The following RAD17 variants were observed in gnomAD, a reference collection of about 807,000 sequenced individuals.
RAD17 encodes the protein cell cycle checkpoint protein RAD17.
In RAD17, 31 loss-of-function variants were observed where a neutral mutation model predicts 81.5. That is an observed-to-expected ratio of 0.38 (90% CI 0.29 to 0.51). The LOEUF is 0.51. Among genes scored for constraint, RAD17 ranks in the 20% least tolerant of loss-of-function variants. RAD17 has a pLI of 0.88. For synonymous variants in RAD17, 261 were observed against 266.2 expected (o/e 0.98, Z 0.19); for missense variants, 681 against 781.2 (o/e 0.87, Z 1.53).
At chr5:69,372,719 C>T (rs1300644917) in intron 4 of RAD17, among the ~76,000 whole-genome samples, 1 of 152,094 alleles carries the variant, frequency 6.6e-6, no homozygotes, top group Non-Finnish European at 1.5e-5. Flanking sequence ...TCAAGTGATT[C>T]TCCCACCTTA....
In RAD17 at chr5:69,371,474, C is replaced by A; in HGVS notation, c.-259C>A. 20 of 732,546 alleles carry A rather than the reference C, an allele frequency of 2.7e-5. No homozygotes were observed. Among genetic ancestry groups the A allele is most frequent in the Non-Finnish European group, 3.5e-5 (18 of 520,258 alleles). 45.4% of individuals were successfully genotyped at this position (732,546 alleles called of 1,614,324 possible). A position where few individuals can be genotyped will look rare whatever the true frequency, so the allele number is the denominator to read the frequency against. On this transcript the variant is annotated 5_prime_UTR_variant, in exon 3 of 19. The change creates a new upstream start codon in the 5' untranslated region. Transcript: ENST00000354868. ...CCCAGGTGAATTATAGTTTAATGTA[C>A]TGCAAGTCCTAAACTACGGATGGGA...
Position 69,400,055 on chromosome 5 carries a change from GA to G in RAD17, c.1583del (p.Asn528IlefsTer30). 1 of 1,585,264 alleles carries G rather than the reference GA, an allele frequency of 6.3e-7. No individual in the cohort carries two copies. Among genetic ancestry groups the G allele is most frequent in the South Asian group, 1.2e-5 (1 of 86,608 alleles). The part of the protein sequence containing the change: ...QWFLINKKYR[E>X]NCLAAKALFP... The stretch of plus-strand genomic sequence containing the variant: ...TTTTTTCTTTTCTATACAGTATCGG[GA>G]AAATTGCCTGGCAGCAAAAGCACTT... On this transcript the variant is annotated frameshift_variant, in exon 17 of 19. Transcript: ENST00000354868. LOFTEE classifies it high-confidence loss of function.
At position 69,371,525 on chromosome 5, in the gene RAD17, A is replaced by G. The variant is rs775961602; in HGVS notation, c.-208A>G. 7 of 1,423,794 alleles carry G rather than the reference A, an allele frequency of 4.9e-6. No homozygotes were observed. In the East Asian group the frequency reaches 1.3e-4, roughly 27 times the overall value. 88.2% of individuals were successfully genotyped at this position (1,423,794 alleles called of 1,614,324 possible). Reference sequence around the variant, plus strand: ...ACTATTACAGTTTATAATGTCAAAAACTTTTCTTAGACCAAAGGTATCTTC... The same window carrying G: ...ACTATTACAGTTTATAATGTCAAAAGCTTTTCTTAGACCAAAGGTATCTTC... On this transcript the variant is annotated 5_prime_UTR_variant, in exon 3 of 19. Transcript: ENST00000354868.
At chr5:69,369,490 T>A, upstream of RAD17, 3 of 1,611,344 alleles carry the variant, frequency 1.9e-6, no homozygotes, top group Admixed American at 1.7e-5. Context: ...GGAAGCAACA[T>A]GGTCCCCGCC....
intron 12 of RAD17, among the ~76,000 whole-genome samples, chr5:69,390,981 C>G (rs1335509688): frequency 6.7e-6 from 1 of 149,864 alleles, no homozygotes; most frequent in African/African-American, 2.5e-5. Flanking sequence ...GGCATGGTGG[C>G]TCATGCCTGT....
At chr5:69,380,684 T>C (rs1356013416) in intron 6 of RAD17, among the ~76,000 whole-genome samples, 2 of 152,122 alleles carry the variant, frequency 1.3e-5, no homozygotes, top group Non-Finnish European at 2.9e-5. Flanking sequence ...TTAATCAAAT[T>C]TACGGTATGA....
At chr5:69,377,455 A>ATATATG in intron 6 of RAD17, among the ~76,000 whole-genome samples, 1 of 6,778 alleles carries the variant, frequency 1.5e-4, no homozygotes, top group South Asian at 5.9e-3. Context: ...ATATATATAT[A>ATATATG]TATATATATA....
intron 1 of RAD17, among the ~76,000 whole-genome samples, chr5:69,370,435 G>A (rs897591830): frequency 3.3e-5 from 5 of 152,092 alleles, no homozygotes; most frequent in South Asian, 2.1e-4. Context: ...CGCCTCCTGG[G>A]TTCAAGTGAT....
intron 7 of RAD17, among the ~76,000 whole-genome samples, chr5:69,383,352 C>T (rs1323225062): frequency 5.9e-5 from 9 of 151,316 alleles, no homozygotes; most frequent in Non-Finnish European, 1.2e-4. Flanking sequence ...GGGGCTTTTA[C>T]TGTTTTCTTT....
intron 17 of RAD17, among the ~76,000 whole-genome samples, chr5:69,406,676 T>C (rs140503228): frequency 8.6e-5 from 13 of 151,892 alleles, no homozygotes. Context: ...CTAATTTTTG[T>C]ATTTTTTTTT....
At chr5:69,373,691 T>A (rs1178506902) in intron 4 of RAD17, 139 bp from the exon 5 acceptor site, 44 of 146,414 alleles carry the variant, frequency 3.0e-4, no homozygotes, top group African/African-American at 3.0e-3. Flanking sequence ...AAAAAATTTT[T>A]TTTTTTTTTT....
intron 17 of RAD17, among the ~76,000 whole-genome samples, chr5:69,402,776 C>G (rs1667292016): frequency 6.6e-6 from 1 of 152,114 alleles, no homozygotes; most frequent in South Asian, 2.1e-4. Flanking sequence ...ATTATATTCT[C>G]TCTCTTTATA....
chr5:69,392,891 AG>A (rs1446622123), intron 13 of RAD17: 2 of 480,026 alleles, frequency 4.2e-6, no homozygotes, highest in Admixed American at 3.0e-5. Flanking sequence ...AAGCTGAAAA[AG>A]GTGAAATGGG....
rs1402239569 is a variant in RAD17, at chr5:69,414,327, C to T, written c.*35C>T. On this transcript the variant is annotated 3_prime_UTR_variant, in exon 19 of 19. Transcript: ENST00000354868. ...TGCTAATCAGATTGCTACTTCACAG[C>T]TTCATTTTTGTTTCATTCAGTGGTA... The T allele has an allele frequency of 2.5e-6, 4 of 1,597,310 alleles. No individual in the cohort carries two copies. In the South Asian group the frequency reaches 4.4e-5, roughly 18 times the overall value.
chr5:69,383,660 G>C (rs182008260), intron 7 of RAD17, among the ~76,000 whole-genome samples: 234 of 152,224 alleles, frequency 1.5e-3, no homozygotes, highest in African/African-American at 4.2e-3. Flanking sequence ...GATTACAGGC[G>C]TGAGCCACCA....
chr5:69,413,955 A>G, intron 18 of RAD17, 76 bp from the exon 19 acceptor site: 1 of 1,517,546 alleles, frequency 6.6e-7, no homozygotes, highest in Non-Finnish European at 8.9e-7. Flanking sequence ...ATGGCTTCAT[A>G]ATCATCACAC....
intron 7 of RAD17, chr5:69,384,304 T>G (rs925334947): frequency 6.5e-6 from 1 of 153,182 alleles, no homozygotes; most frequent in Non-Finnish European, 1.5e-5. Context: ...AGCTGTGTTC[T>G]TAGGTCAGTT....
At chr5:69,388,988 A>T in intron 11 of RAD17, 46 bp from the exon 12 acceptor site, 1 of 1,036,086 alleles carries the variant, frequency 9.7e-7, no homozygotes, top group South Asian at 2.2e-5. Context: ...TGTTGTTGTT[A>T]TTTTTAAGAA....
intron 15 of RAD17, 84 bp downstream of exon 15, chr5:69,393,584 C>A: frequency 8.0e-7 from 1 of 1,250,476 alleles, no homozygotes; most frequent in Non-Finnish European, 1.1e-6. Context: ...TCCCTAATTG[C>A]CTGACATTAT....
Sources: allele counts gnomAD v4.1 joint callset (sites outside exome capture counted in the v4.1 genomes callset), GRCh38; gene constraint gnomAD v4.1.1; transcripts MANE v1.5; gene names NCBI Gene and HGNC (gene_info 2026-07-23, HGNC 2026-07-21).